The following MAP3K15 variants were observed in gnomAD, a reference collection of about 807,000 sequenced individuals.
The protein encoded by MAP3K15 is MAPK/ERK kinase kinase 15.
MAP3K15 carries 124 observed loss-of-function variants against 99.5 expected under a neutral mutation model. The observed-to-expected ratio is 1.25, with a 90% CI of 1.08 to 1.45. The LOEUF (loss-of-function observed/expected upper bound fraction) is 1.45, where lower values mean the gene tolerates loss of function less well. MAP3K15 is among the 40% of genes most tolerant of loss of function. The pLI is 0.00. For synonymous variants in MAP3K15, 494 were observed against 439.6 expected, an observed-to-expected ratio of 1.12 and a Z score of -1.55; for missense variants, 1,242 against 1,079.7, an observed-to-expected ratio of 1.15 and a Z score of -2.11.
intron 6 of MAP3K15, among the ~76,000 whole-genome samples, chrX:19,437,329 C>G (rs1027503945): frequency 2.7e-5 from 3 of 111,666 alleles, no homozygotes; most frequent in Non-Finnish European, 5.6e-5. Context: ...ACCAGTGGCT[C>G]CCATCTTAGA....
At chrX:19,403,197 T>C (rs147701745) in intron 13 of MAP3K15, among the ~76,000 whole-genome samples, 2,027 of 111,052 alleles carry the variant, frequency 0.018, 51 homozygotes, top group African/African-American at 0.064. Flanking sequence ...AGCTGTACAC[T>C]TAAGTGCACA....
chrX:19,462,700 A>G (rs898383952), intron 4 of MAP3K15, among the ~76,000 whole-genome samples: 2 of 112,062 alleles, frequency 1.8e-5, no homozygotes, highest in Non-Finnish European at 3.8e-5. Context: ...TTGCTGATCA[A>G]TGAGCACTTG....
chrX:19,425,430 A>C (rs2063821543), intron 9 of MAP3K15, 101 bp downstream of exon 9: 1 of 859,198 alleles, frequency 1.2e-6, no homozygotes, highest in Non-Finnish European at 1.6e-6. Flanking sequence ...ACTTTGCTTT[A>C]ATGAAAAGTC....
chrX:19,367,825 T>C (rs990711488), intron 25 of MAP3K15, among the ~76,000 whole-genome samples: 1 of 90,564 alleles, frequency 1.1e-5, no homozygotes, highest in Non-Finnish European at 2.1e-5. Context: ...CTCGGCTCAC[T>C]GCAACCTCCG....
Position 19,448,705 on chromosome X carries a change from T to C in MAP3K15, c.995+8208A>G, listed in dbSNP as rs1602317452. Among the ~76,000 whole-genome samples, 5 of 109,514 alleles carry C rather than the reference T, an allele frequency of 4.6e-5. No homozygotes were observed. In the South Asian group the frequency reaches 2.0e-3, roughly 44 times the overall value. ...ATTGTATTCATTAGTCTTAGCTCTC[T>C]CAGTGTTGCATTTTCTTAGGCTGAT... is the stretch of plus-strand genomic sequence containing the variant. On this transcript the variant is annotated intron_variant, in intron 6 of 28. Coordinates refer to ENST00000338883, the MANE Select transcript of MAP3K15 (RefSeq NM_001001671.4).
chrX:19,362,705 T>C (rs1394654043), intron 26 of MAP3K15, 33 bp downstream of exon 26: 1 of 829,573 alleles, frequency 1.2e-6, no homozygotes. Flanking sequence ...ATTAGCTAGA[T>C]GTTAAAGTCT....
At chrX:19,387,687 T>C (rs958962642) in intron 18 of MAP3K15, among the ~76,000 whole-genome samples, 4 of 111,665 alleles carry the variant, frequency 3.6e-5, no homozygotes, top group African/African-American at 1.3e-4. Flanking sequence ...TATGGTCTTC[T>C]TAAAAGGAAT....
At chrX:19,474,560 G>T (rs1247708452) in intron 3 of MAP3K15, among the ~76,000 whole-genome samples, 2 of 95,136 alleles carry the variant, frequency 2.1e-5, no homozygotes, top group East Asian at 3.6e-4. Context: ...GGGGGTCTGT[G>T]AACTTGAAAG....
chrX:19,366,126 G>T lies in MAP3K15; in HGVS notation c.3566+2928C>A, dbSNP rs759246661. On this transcript the variant is annotated intron_variant, in intron 25 of 28. Coordinates refer to ENST00000338883, the MANE Select transcript of MAP3K15 (RefSeq NM_001001671.4). ...TCCTGGATTATTTGGTGGCAAAGTG[G>T]GGTGGGGAGAGGAGAACACTTCTGC... 7.2e-5 allele frequency among the ~76,000 whole-genome samples: 8 copies of T among 110,606 alleles called. 1 individual carries two copies. Among genetic ancestry groups the T allele is most frequent in the African/African-American group, 2.6e-4 (8 of 30,425 alleles).
chrX:19,387,062 T>C (rs927569715), intron 18 of MAP3K15, among the ~76,000 whole-genome samples: 1 of 112,000 alleles, frequency 8.9e-6, no homozygotes, highest in African/African-American at 3.2e-5. Flanking sequence ...TTTCCCATAG[T>C]CCAGGGGACT....
rs144264357 is a variant in MAP3K15, at chrX:19,444,506, C to T, written c.995+12407G>A. Among the ~76,000 whole-genome samples, 525 of 111,363 alleles carry T rather than the reference C, an allele frequency of 4.7e-3. 10 individuals are homozygous for T. Among genetic ancestry groups the T allele is most frequent in the African/African-American group, 0.016 (499 of 30,620 alleles). Reference sequence around the variant, plus strand: ...ACGATATTCGTTGGCCGCTCAATCACGCATTAAAAAAATAGAACCACTTTT... The same window carrying T: ...ACGATATTCGTTGGCCGCTCAATCATGCATTAAAAAAATAGAACCACTTTT... On this transcript the variant is annotated intron_variant, in intron 6 of 28. Transcript: ENST00000338883.
In MAP3K15 at chrX:19,470,389, C is replaced by T. The variant is rs745583320; in HGVS notation, c.526-5983G>A. ...ACACAGGAAGGGGAACATCACACAC[C>T]GGAGAATGTTGTGGGGTGGGGGGAG... On this transcript the variant is annotated intron_variant, in intron 3 of 28. Transcript: ENST00000338883. Among the ~76,000 whole-genome samples the T allele has an allele frequency of 1.9e-3, 204 of 109,821 alleles. 2 individuals carry two copies. Among genetic ancestry groups the T allele is most frequent in the African/African-American group, 6.4e-3 (194 of 30,201 alleles).
At position 19,372,591 on chromosome X, in the gene MAP3K15, C is replaced by A. The variant is rs746095618; in HGVS notation, c.3108+62G>T. ...GAACTGAGGTCCTGATTGGACCTGT[C>A]TGGGGACTGGGACCTGGGCAGAGGG... is the stretch of plus-strand genomic sequence containing the variant. On this transcript the variant is annotated intron_variant, in intron 22 of 28. Coordinates refer to ENST00000338883, the MANE Select transcript of MAP3K15 (RefSeq NM_001001671.4). The A allele has an allele frequency of 1.6e-5, 18 of 1,107,768 alleles. No individual in the cohort carries two copies. The African/African-American group carries it at 2.0e-4, about 12-fold the overall frequency. The allele number at this position is 1,107,768 out of a possible 1,213,427, so 91.3% of individuals were successfully genotyped here.
chrX:19,461,422 CA>C (rs2064132390), intron 4 of MAP3K15, among the ~76,000 whole-genome samples: 1 of 112,154 alleles, frequency 8.9e-6, no homozygotes, highest in Non-Finnish European at 1.9e-5. Flanking sequence ...ATGGAAAACA[CA>C]AAACTTCCCT....
chrX:19,372,620 G>A (rs764105219), intron 22 of MAP3K15, 33 bp downstream of exon 22: 7 of 1,176,677 alleles, frequency 5.9e-6, no homozygotes, highest in East Asian at 6.0e-5. Flanking sequence ...CAGAGGGAGC[G>A]GGAAGAGTCG....
At chrX:19,396,987 C>A (rs1174043591) in intron 15 of MAP3K15, among the ~76,000 whole-genome samples, 1 of 108,934 alleles carries the variant, frequency 9.2e-6, no homozygotes, top group African/African-American at 3.4e-5. Context: ...GTAGCCTCTG[C>A]CTCCGGGGTT....
chrX:19,372,631 G>T (rs1281966636), intron 22 of MAP3K15, 22 bp downstream of exon 22: 1 of 1,184,240 alleles, frequency 8.4e-7, no homozygotes, highest in East Asian at 3.0e-5. Context: ...GGAAGAGTCG[G>T]TGCCCTCCCT....
At position 19,363,957 on chromosome X, in the gene MAP3K15, G is replaced by A. The variant is rs61336254; in HGVS notation, c.3567-1107C>T. On this transcript the variant is annotated intron_variant, in intron 25 of 28. Transcript: ENST00000338883. The stretch of plus-strand genomic sequence containing the variant: ...TGTGAGCCACCGCACCCAGCTGGAA[G>A]CCCCTGCTTGTAATGGGGCAGAGCA... 8.1e-3 allele frequency among the ~76,000 whole-genome samples: 904 copies of A among 111,345 alleles called. 13 individuals are homozygous for A. The highest frequency in any genetic ancestry group is 0.028 in the African/African-American group (865 of 30,653).
intron 1 of MAP3K15, chrX:19,497,126 A>G (rs1322488886): frequency 9.2e-6 from 1 of 108,240 alleles, no homozygotes; most frequent in Non-Finnish European, 1.9e-5. Context: ...TGATAAGCAC[A>G]TTGGATGCAG....
Sources: allele counts gnomAD v4.1 joint callset (sites outside exome capture counted in the v4.1 genomes callset), GRCh38; gene constraint gnomAD v4.1.1; transcripts MANE v1.5; gene names NCBI Gene and HGNC (gene_info 2026-07-23, HGNC 2026-07-21).